Variants in DRC1 observed in about 807,000 individuals in gnomAD.
DRC1 encodes dynein regulatory complex protein 1.
Under a neutral mutation model 98.7 loss-of-function variants are expected in DRC1, and 74 were observed. That is an observed-to-expected ratio of 0.75 (90% CI 0.62 to 0.91). The LOEUF (loss-of-function observed/expected upper bound fraction) is 0.91, where lower values mean the gene tolerates loss of function less well. DRC1 is among the 40% of genes least tolerant of loss of function. DRC1 has a pLI of 0.00. For synonymous variants in DRC1, 336 were observed against 334.1 expected, an observed-to-expected ratio of 1.01 and a Z score of -0.06; for missense variants, 875 against 886.0, an observed-to-expected ratio of 0.99 and a Z score of 0.16.
chr2:26,419,435 T>G (rs1376716313), intron 2 of DRC1, among the ~76,000 whole-genome samples: 3 of 152,200 alleles, frequency 2.0e-5, no homozygotes, highest in Non-Finnish European at 4.4e-5. Context: ...ATGTTCACAT[T>G]GAGTAGAAAC....
chr2:26,453,644 T>C, intron 14 of DRC1, 95 bp downstream of exon 14: 1 of 1,291,888 alleles, frequency 7.7e-7, no homozygotes, highest in Non-Finnish European at 1.1e-6. Context: ...GAGAAGAGTC[T>C]GCTGGGCAAG....
intron 2 of DRC1, among the ~76,000 whole-genome samples, chr2:26,415,355 C>T (rs973568632): frequency 2.6e-5 from 4 of 152,098 alleles, no homozygotes; most frequent in Middle Eastern, 3.4e-3. Flanking sequence ...AGGGAAAGTT[C>T]GATGGAGAAA....
intron 7 of DRC1, 139 bp downstream of exon 7, chr2:26,432,145 T>G (rs1663453299): frequency 7.6e-7 from 1 of 1,322,138 alleles, no homozygotes; most frequent in Non-Finnish European, 1.0e-6. Flanking sequence ...ATCTGCCTTC[T>G]TTTAAATGTT....
chr2:26,414,328 C>T lies in DRC1; in HGVS notation c.156-16C>T, dbSNP rs1185069044. On this transcript the variant is annotated splice_polypyrimidine_tract_variant and intron_variant, in intron 1 of 16. Transcript: ENST00000288710. The stretch of plus-strand genomic sequence containing the variant: ...ATTAGAAATAACTTCATTTTCTCTG[C>T]TTTTTTCCATCACAGGGAAGCACTT... 6 of 1,612,264 alleles carry T rather than the reference C, an allele frequency of 3.7e-6. No individual in the cohort carries two copies. Among genetic ancestry groups the T allele is most frequent in the African/African-American group, 1.3e-5 (1 of 74,808 alleles).
intron 1 of DRC1, among the ~76,000 whole-genome samples, chr2:26,409,985 T>C (rs1678548543): frequency 6.6e-6 from 1 of 151,264 alleles, no homozygotes; most frequent in African/African-American, 2.4e-5. Flanking sequence ...AAGATGATCA[T>C]TCAGATCCTC....
In DRC1 at chr2:26,455,152, C is replaced by T. The variant is rs777001748; in HGVS notation, c.2085C>T (p.Ala695=). The change falls in exon 16 of 17, where the codon GCC becomes GCT. Residue 695 remains alanine, a synonymous_variant. Transcript: ENST00000288710. The part of the protein sequence containing the change: ...EKYHLVLTQR[A]KLLLENSSLE... ...AAAGCCTTGTCCTGACCCAGAGGGC[C>T]AAGCTGCTGCTGGAAAACAGTTCTC... The T allele has an allele frequency of 1.9e-6, 3 of 1,613,930 alleles. No individual in the cohort carries two copies. Among genetic ancestry groups the T allele is most frequent in the East Asian group, 2.2e-5 (1 of 44,886 alleles).
intron 10 of DRC1, among the ~76,000 whole-genome samples, chr2:26,446,438 G>A (rs1382967420): frequency 2.6e-5 from 4 of 152,124 alleles, no homozygotes; most frequent in African/African-American, 9.7e-5. Context: ...TATTGTTTTG[G>A]ATTGGCCATT....
chr2:26,411,838 T>G (rs531078474), intron 1 of DRC1, among the ~76,000 whole-genome samples: 51 of 152,150 alleles, frequency 3.4e-4, no homozygotes, highest in East Asian at 3.1e-3. Flanking sequence ...GCATGGTTTT[T>G]TTGTTGTTGT....
chr2:26,450,967 G>A (rs943730509), intron 13 of DRC1, among the ~76,000 whole-genome samples: 3 of 151,784 alleles, frequency 2.0e-5, no homozygotes, highest in African/African-American at 7.3e-5. Context: ...TTATGAGTGA[G>A]AACATGCGGT....
chr2:26,453,268 T>C, intron 13 of DRC1, 52 bp from the exon 14 acceptor site: 4 of 1,602,840 alleles, frequency 2.5e-6, no homozygotes, highest in Middle Eastern at 3.3e-4. Context: ...TCTCTCTCCA[T>C]GCTCATGCTC....
At position 26,419,951 on chromosome 2, in the gene DRC1, A is replaced by T. The variant is rs189523997; in HGVS notation, c.244-1337A>T. Among the ~76,000 whole-genome samples, 703 of 152,326 alleles carry T rather than the reference A, an allele frequency of 4.6e-3. 3 individuals are homozygous for T. Among genetic ancestry groups the T allele is most frequent in the Non-Finnish European group, 6.9e-3 (470 of 68,040 alleles). ...CTTTTCCTGCCTTAGAATCCATGTA[A>T]TGAAAGACTCCACATATCATTAGCT... On this transcript the variant is annotated intron_variant, in intron 2 of 16. Transcript: ENST00000288710.
At chr2:26,450,711 T>TTTTC (rs1325077201) in intron 13 of DRC1, 30 bp downstream of exon 13, 3 of 1,484,216 alleles carry the variant, frequency 2.0e-6, no homozygotes, top group South Asian at 1.3e-5. Flanking sequence ...GAAGAAAGCA[T>TTTTC]TTTCTTTCTT....
At chr2:26,412,431 T>C (rs1678643809) in intron 1 of DRC1, among the ~76,000 whole-genome samples, 1 of 152,126 alleles carries the variant, frequency 6.6e-6, no homozygotes, top group East Asian at 1.9e-4. Flanking sequence ...GTTTCATTTT[T>C]CCTAAGGCAG....
At chr2:26,425,786 T>C (rs1663267812) in intron 4 of DRC1, among the ~76,000 whole-genome samples, 1 of 152,196 alleles carries the variant, frequency 6.6e-6, no homozygotes, top group Admixed American at 6.5e-5. Context: ...GTTATAGAAG[T>C]TCTTTATGTA....
At chr2:26,407,846 C>G (rs1199567808) in intron 1 of DRC1, among the ~76,000 whole-genome samples, 1 of 152,166 alleles carries the variant, frequency 6.6e-6, no homozygotes, top group African/African-American at 2.4e-5. Context: ...AATGTTAAAT[C>G]TCCACCCCAA....
chr2:26,407,990 C>T (rs904535311), intron 1 of DRC1, among the ~76,000 whole-genome samples: 2 of 152,188 alleles, frequency 1.3e-5, no homozygotes, highest in Non-Finnish European at 2.9e-5. Flanking sequence ...TACCTCCTCA[C>T]CTAGCAGAAA....
At chr2:26,405,891 C>T (rs1198244986) in intron 1 of DRC1, among the ~76,000 whole-genome samples, 1 of 151,982 alleles carries the variant, frequency 6.6e-6, no homozygotes, top group African/African-American at 2.4e-5. Flanking sequence ...AACTCCTGGC[C>T]TCAGGCAATC....
intron 2 of DRC1, among the ~76,000 whole-genome samples, chr2:26,418,560 A>T (rs1460705491): frequency 9.3e-6 from 1 of 107,348 alleles, no homozygotes; most frequent in South Asian, 2.7e-4. Flanking sequence ...TATATAATTT[A>T]TATATAATAT....
In DRC1 at chr2:26,454,527, AACTTGG is replaced by A; in HGVS notation, c.1920-116_1920-111del. ...TCTGAGAACCTGCCACCGTCTAATA[AACTTGG>A]ACTGCTGAGTGGGAAGGTGACAGGT... On this transcript the variant is annotated intron_variant, in intron 14 of 16. Transcript: ENST00000288710. The surrounding 1 kb of genome is among the most constrained non-coding windows in gnomAD (Gnocchi z 5.2). 1 of 1,431,914 alleles carries A rather than the reference AACTTGG, an allele frequency of 7.0e-7. No individual in the cohort carries two copies. Among genetic ancestry groups the A allele is most frequent in the Non-Finnish European group, 9.5e-7 (1 of 1,052,304 alleles). The allele number at this position is 1,431,914 out of a possible 1,614,324, so 88.7% of individuals were successfully genotyped here.
Sources: allele counts gnomAD v4.1 joint callset (sites outside exome capture counted in the v4.1 genomes callset), GRCh38; gene constraint gnomAD v4.1.1; non-coding constraint Gnocchi (gnomAD v3.1); transcripts MANE v1.5; gene names NCBI Gene and HGNC (gene_info 2026-07-23, HGNC 2026-07-21).